Variants in PHACTR1 observed in about 807,000 individuals in gnomAD.
PHACTR1 encodes the protein phosphatase and actin regulator 1.
Under a neutral mutation model 69.2 loss-of-function variants are expected in PHACTR1, and 16 were observed. The observed-to-expected ratio is 0.23, with a 90% CI of 0.16 to 0.35. PHACTR1 has a LOEUF of 0.35. PHACTR1 is among the 10% of genes least tolerant of loss of function. The pLI, the probability that PHACTR1 is intolerant of heterozygous loss-of-function variation, is 1.00. For missense variants in PHACTR1, 510 were observed against 734.7 expected (o/e 0.69, Z 3.54); for synonymous variants, 312 against 284.5 (o/e 1.10, Z -0.97).
chr6:12,793,863 G>T (rs1772643241), intron 4 of PHACTR1, among the ~76,000 whole-genome samples: 1 of 152,198 alleles, frequency 6.6e-6, no homozygotes, highest in Non-Finnish European at 1.5e-5. Context: ...CCCAATGGCA[G>T]CTAGTAATCT....
intron 4 of PHACTR1, among the ~76,000 whole-genome samples, chr6:12,916,153 C>T (rs368002102): frequency 1.1e-4 from 16 of 152,136 alleles, no homozygotes; most frequent in African/African-American, 2.9e-4. Flanking sequence ...TAACTTAAAA[C>T]GAAACAAAAC....
rs548994734 is a variant in PHACTR1 at position 12,878,070 on chromosome 6, G to A, written c.250+128280G>A. On this transcript the variant is annotated intron_variant, in intron 4 of 14. Coordinates refer to ENST00000332995, the MANE Select transcript of PHACTR1 (RefSeq NM_030948.6). ...CAGCTAAGTGTTCATTGCTCTTTGA[G>A]GCCAAAATCATGCTTTTTCCACCTC... Among the ~76,000 whole-genome samples the A allele has an allele frequency of 7.2e-5, 11 of 152,278 alleles. No homozygotes were observed. In the East Asian group the frequency reaches 2.1e-3, roughly 29 times the overall value.
At position 13,041,358 on chromosome 6, in the gene PHACTR1, A is replaced by ACACG. The variant is rs1382390464; in HGVS notation, c.251-12004_251-12003insGCAC. ...AATACATACACACACACACACACAC[A>ACACG]CACACACACACACACACACACAGAA... On this transcript the variant is annotated intron_variant, in intron 4 of 14. Transcript: ENST00000332995. 1.8e-3 allele frequency among the ~76,000 whole-genome samples: 276 copies of ACACG among 151,588 alleles called. 1 individual carries two copies. Among genetic ancestry groups the ACACG allele is most frequent in the African/African-American group, 6.2e-3 (256 of 41,326 alleles).
At chr6:12,907,862 T>C (rs1785917936) in intron 4 of PHACTR1, among the ~76,000 whole-genome samples, 1 of 152,212 alleles carries the variant, frequency 6.6e-6, no homozygotes, top group African/African-American at 2.4e-5. Context: ...CCATGAGTTT[T>C]GTTCTACCTT....
chr6:12,730,986 T>TTTTATTTA (rs10648753), intron 3 of PHACTR1, among the ~76,000 whole-genome samples: 29,764 of 137,786 alleles, frequency 0.22, 3,522 homozygotes, highest in East Asian at 0.43. Context: ...ATATTACCTT[T>TTTTATTTA]TTTATTTATT....
At chr6:13,085,690 T>C (rs112448879) in intron 5 of PHACTR1, among the ~76,000 whole-genome samples, 16 of 152,110 alleles carry the variant, frequency 1.1e-4, no homozygotes, top group African/African-American at 3.6e-4. Context: ...AGTGAGGATA[T>C]AGAAAGCTAA....
intron 4 of PHACTR1, among the ~76,000 whole-genome samples, chr6:12,959,201 G>GAAA (rs67449659): frequency 4.2e-5 from 5 of 118,498 alleles, no homozygotes; most frequent in African/African-American, 3.5e-5. Context: ...AAAAAGAAAA[G>GAAA]AAAAAAAAAA....
intron 5 of PHACTR1, among the ~76,000 whole-genome samples, chr6:13,068,595 A>G (rs894586640): frequency 2.6e-5 from 4 of 152,158 alleles, no homozygotes; most frequent in African/African-American, 9.7e-5. Flanking sequence ...TGAGTTTAGG[A>G]GCCTGCCTTT....
At chr6:12,806,447 A>T (rs1474822288) in intron 4 of PHACTR1, among the ~76,000 whole-genome samples, 1 of 152,030 alleles carries the variant, frequency 6.6e-6, no homozygotes, top group African/African-American at 2.4e-5. Flanking sequence ...TCAGGCCCTT[A>T]TTCCCTCTTT....
chr6:13,081,451 T>A (rs1302234470), intron 5 of PHACTR1, among the ~76,000 whole-genome samples: 1 of 152,168 alleles, frequency 6.6e-6, no homozygotes, highest in Non-Finnish European at 1.5e-5. Context: ...TAGCAAAATA[T>A]CTCTTTGCAC....
At chr6:13,037,300 C>G (rs1803454960) in intron 4 of PHACTR1, among the ~76,000 whole-genome samples, 2 of 152,096 alleles carry the variant, frequency 1.3e-5, no homozygotes, top group South Asian at 4.1e-4. Context: ...GCCTCACTAC[C>G]TACAGGCACC....
intron 4 of PHACTR1, among the ~76,000 whole-genome samples, chr6:12,800,117 C>T (rs1317747293): frequency 6.6e-6 from 1 of 152,052 alleles, no homozygotes; most frequent in Non-Finnish European, 1.5e-5. Flanking sequence ...TTTCATTACC[C>T]CATAGAAAAA....
intron 5 of PHACTR1, among the ~76,000 whole-genome samples, chr6:13,095,673 G>T (rs1475894913): frequency 6.6e-6 from 1 of 151,154 alleles, no homozygotes; most frequent in Non-Finnish European, 1.5e-5. Flanking sequence ...CAGGCAAAGG[G>T]TGGAGGAAGG....
intron 4 of PHACTR1, among the ~76,000 whole-genome samples, chr6:12,754,593 A>G (rs1438439109): frequency 6.6e-6 from 1 of 152,216 alleles, no homozygotes; most frequent in East Asian, 1.9e-4. Flanking sequence ...TGATAATCTC[A>G]TTATGTCATG....
chr6:13,114,969 T>TA (rs1317689301), intron 5 of PHACTR1, among the ~76,000 whole-genome samples: 1 of 152,170 alleles, frequency 6.6e-6, no homozygotes, highest in Admixed American at 6.5e-5. Flanking sequence ...CTATTTTATG[T>TA]ATAAGAAAAC....
intron 3 of PHACTR1, among the ~76,000 whole-genome samples, chr6:12,729,989 T>C (rs1406080301): frequency 6.6e-6 from 1 of 152,142 alleles, no homozygotes; most frequent in Non-Finnish European, 1.5e-5. Context: ...TACAGGAGGA[T>C]GACCAAGATG....
intron 4 of PHACTR1, among the ~76,000 whole-genome samples, chr6:13,017,323 CTGTTTA>C (rs1800339904): frequency 6.6e-6 from 1 of 151,148 alleles, no homozygotes; most frequent in Admixed American, 6.6e-5. Context: ...ATTGTGGTGT[CTGTTTA>C]TATCTGTGTG....
intron 8 of PHACTR1, among the ~76,000 whole-genome samples, chr6:13,213,616 G>A (rs1412497774): frequency 6.6e-6 from 1 of 152,190 alleles, no homozygotes; most frequent in African/African-American, 2.4e-5. Context: ...AACAAGTGGG[G>A]CTTTGAAAAG....
chr6:13,243,700 A>G (rs1773181793), intron 10 of PHACTR1, among the ~76,000 whole-genome samples: 1 of 152,204 alleles, frequency 6.6e-6, no homozygotes, highest in South Asian at 2.1e-4. Context: ...GGTAATAAGC[A>G]TAGTACCTGA....
Sources: gnomAD v4.1 joint callset for allele counts (sites outside exome capture counted in the v4.1 genomes callset) on GRCh38, gnomAD v4.1.1 for gene constraint, MANE v1.5 for transcripts, NCBI Gene and HGNC (gene_info 2026-07-23, HGNC 2026-07-21) for gene names.